Variants in RPRD1A observed in about 807,000 individuals in gnomAD.
RPRD1A encodes the protein regulation of nuclear pre-mRNA domain containing 1A, also known as regulation of nuclear pre-mRNA domain-containing protein 1A.
In RPRD1A, 9 loss-of-function variants were observed where a neutral mutation model predicts 37.8. That is an observed-to-expected ratio of 0.24 (90% CI 0.14 to 0.42). The LOEUF is 0.42. RPRD1A is among the 10% of genes least tolerant of loss of function. The probability of loss-of-function intolerance (pLI) is 1.00; values close to 1 mark genes in which losing one functional copy is unlikely to be tolerated. For synonymous variants in RPRD1A, 138 were observed against 139.7 expected (o/e 0.99, Z 0.08); for missense variants, 255 against 371.0 (o/e 0.69, Z 2.57).
chr18:36,019,273 A>T (rs1002569986), intron 6 of RPRD1A, among the ~76,000 whole-genome samples: 2 of 151,704 alleles, frequency 1.3e-5, no homozygotes, highest in Non-Finnish European at 2.9e-5. Context: ...ACGCCTGGCT[A>T]ATTTTTTATA....
At chr18:35,993,450 A>G (rs971882595) in intron 6 of RPRD1A, 150 bp from the exon 7 acceptor site, 4 of 728,076 alleles carry the variant, frequency 5.5e-6, no homozygotes, top group Non-Finnish European at 8.6e-6. Context: ...TCAAAAGATG[A>G]GCTTTGGAAA....
chr18:36,040,602 A>G (rs910491363), intron 1 of RPRD1A, among the ~76,000 whole-genome samples: 1 of 152,210 alleles, frequency 6.6e-6, no homozygotes, highest in Admixed American at 6.5e-5. Flanking sequence ...CATGAAATCT[A>G]GAAGTAGGTA....
At chr18:36,034,271 C>T (rs759281232) in intron 1 of RPRD1A, among the ~76,000 whole-genome samples, 4 of 152,122 alleles carry the variant, frequency 2.6e-5, no homozygotes, top group South Asian at 2.1e-4. Flanking sequence ...GATGTCCCTT[C>T]AATCAATTAC....
chr18:36,008,569 T>TA (rs1555670660), intron 6 of RPRD1A, among the ~76,000 whole-genome samples: 1 of 56,078 alleles, frequency 1.8e-5, no homozygotes, highest in African/African-American at 1.5e-4. Flanking sequence ...CAGCAAGACC[T>TA]TGTGTGTGTA....
chr18:36,007,765 C>T (rs1909839926), intron 6 of RPRD1A, among the ~76,000 whole-genome samples: 1 of 151,612 alleles, frequency 6.6e-6, no homozygotes, highest in African/African-American at 2.4e-5. Flanking sequence ...CGGTGAAACC[C>T]CATCTCTACC....
intron 1 of RPRD1A, among the ~76,000 whole-genome samples, chr18:36,057,049 T>TAAAAAAAAAAA (rs1407950222): frequency 4.3e-5 from 1 of 23,268 alleles, no homozygotes; most frequent in African/African-American, 1.9e-4. Context: ...ACCCTGTTTC[T>TAAAAAAAAAAA]ACAAAAAAAA....
At chr18:36,057,929 A>G (rs1913907188) in intron 1 of RPRD1A, among the ~76,000 whole-genome samples, 1 of 152,238 alleles carries the variant, frequency 6.6e-6, no homozygotes, top group Non-Finnish European at 1.5e-5. Context: ...TGCCTGGCTG[A>G]TATGTAAGCT....
intron 6 of RPRD1A, among the ~76,000 whole-genome samples, chr18:36,023,763 CAA>C (rs201489465): frequency 0.021 from 3,209 of 152,304 alleles, 47 homozygotes; most frequent in African/African-American, 0.026. Context: ...CCTCCACCAG[CAA>C]AGACTATGAC....
At chr18:35,993,844 C>T (rs1195573115) in intron 6 of RPRD1A, among the ~76,000 whole-genome samples, 2 of 152,162 alleles carry the variant, frequency 1.3e-5, no homozygotes, top group African/African-American at 4.8e-5. Context: ...ACCCCAACTA[C>T]CTGGTGCTGA....
chr18:36,027,032 C>A lies in RPRD1A; in HGVS notation c.657G>T (p.Ala219=). ...CATTGTAATCTGCCAGCAACATACA[C>A]GCATCCTCTACCATTTTGGAAAGCC... The part of the protein sequence containing the change: ...GERLSKMVED[A]CMLLADYNGR... The change falls in exon 6 of 7, where the codon GCG becomes GCT. Residue 219 remains alanine (A), a synonymous_variant. Transcript: ENST00000399022. 2 of 1,613,974 alleles carry A rather than the reference C, an allele frequency of 1.2e-6. No individual in the cohort carries two copies. The highest frequency in any genetic ancestry group is 1.7e-6 in the Non-Finnish European group (2 of 1,179,888).
intron 1 of RPRD1A, among the ~76,000 whole-genome samples, chr18:36,045,100 C>G (rs953919298): frequency 6.6e-6 from 1 of 151,916 alleles, no homozygotes; most frequent in Admixed American, 6.6e-5. Flanking sequence ...ATTAGCCAGA[C>G]GTGGTGGTGC....
chr18:36,005,235 A>G lies in RPRD1A; in HGVS notation c.790-11935T>C, dbSNP rs551212263. On this transcript the variant is annotated intron_variant, in intron 6 of 6. Transcript: ENST00000399022. ...AGAATGGCGTGAGCCCGGGAGGTGG[A>G]GCTTGCAGTGAGCTGAGATTGCGCC... 1.9e-3 allele frequency among the ~76,000 whole-genome samples: 291 copies of G among 152,244 alleles called. 1 individual carries two copies. Among genetic ancestry groups the G allele is most frequent in the Middle Eastern group, 6.8e-3 (2 of 294 alleles).
rs539286193 is a variant in RPRD1A, at chr18:35,991,598, A to G, written c.*1553T>C. ...TAACTACTATTCTTTCTGTGAGAAA[A>G]TGCACCCCAAGTCCCAAAAGTTGAC... On this transcript the variant is annotated 3_prime_UTR_variant, in exon 7 of 7. Coordinates refer to ENST00000399022, the MANE Select transcript of RPRD1A (RefSeq NM_018170.5). 2 of 152,314 alleles carry G rather than the reference A, an allele frequency of 1.3e-5. No individual in the cohort carries two copies. The highest frequency in any genetic ancestry group is 4.2e-4 in the South Asian group (2 of 4,818). 9.4% of individuals were successfully genotyped at this position (152,314 alleles called of 1,614,324 possible).
intron 6 of RPRD1A, among the ~76,000 whole-genome samples, chr18:36,000,187 C>A (rs2144155217): frequency 6.6e-6 from 1 of 152,270 alleles, no homozygotes; most frequent in East Asian, 1.9e-4. Context: ...TTTGCCCTCA[C>A]CTTCTGGGAA....
chr18:36,063,719 G>C (rs557049209), intron 1 of RPRD1A, among the ~76,000 whole-genome samples: 3 of 152,202 alleles, frequency 2.0e-5, no homozygotes, highest in Non-Finnish European at 4.4e-5. Flanking sequence ...TTAAACTACA[G>C]GAGATGAGAA....
intron 6 of RPRD1A, among the ~76,000 whole-genome samples, chr18:36,014,534 C>G (rs1177531693): frequency 6.6e-6 from 1 of 152,126 alleles, no homozygotes; most frequent in African/African-American, 2.4e-5. Context: ...GTCAGGAGAT[C>G]GAGACCATCC....
At chr18:36,053,917 G>C (rs1448143276) in intron 1 of RPRD1A, among the ~76,000 whole-genome samples, 1 of 152,146 alleles carries the variant, frequency 6.6e-6, no homozygotes, top group Non-Finnish European at 1.5e-5. Context: ...AAACAATCTT[G>C]AAGTTCTGAG....
At chr18:36,035,588 A>G (rs1912130355) in intron 1 of RPRD1A, among the ~76,000 whole-genome samples, 1 of 152,230 alleles carries the variant, frequency 6.6e-6, no homozygotes, top group African/African-American at 2.4e-5. Context: ...TAGCAACTGA[A>G]AAGAAGAAAA....
At chr18:36,035,315 C>CAG (rs34124936) in intron 1 of RPRD1A, among the ~76,000 whole-genome samples, 35,049 of 152,076 alleles carry the variant, frequency 0.23, 4,057 homozygotes, top group East Asian at 0.25. Context: ...CCTGAACAAA[C>CAG]AATCCTTTCA....
Sources: gnomAD v4.1 joint callset for allele counts (sites outside exome capture counted in the v4.1 genomes callset) on GRCh38, gnomAD v4.1.1 for gene constraint, MANE v1.5 for transcripts, NCBI Gene and HGNC (gene_info 2026-07-23, HGNC 2026-07-21) for gene names.